Variants in MACROD2 observed in about 807,000 individuals in gnomAD.
MACROD2 encodes the protein mono-ADP ribosylhydrolase 2, also known as ADP-ribose glycohydrolase MACROD2.
A neutral mutation model predicts 70.4 loss-of-function variants in MACROD2; 36 were observed. That is an observed-to-expected ratio of 0.51 (90% CI 0.39 to 0.68). MACROD2 has a LOEUF of 0.68. Ranked by LOEUF, MACROD2 falls within the 30% of genes least tolerant of loss-of-function variation. The pLI, the probability that MACROD2 is intolerant of heterozygous loss-of-function variation, is 0.00. For missense variants in MACROD2, 496 were observed against 538.4 expected (o/e 0.92, Z 0.78); for synonymous variants, 172 against 178.8 (o/e 0.96, Z 0.30).
At chr20:14,144,080 G>C (rs2054912501) in intron 3 of MACROD2, among the ~76,000 whole-genome samples, 1 of 151,976 alleles carries the variant, frequency 6.6e-6, no homozygotes, top group Non-Finnish European at 1.5e-5. Flanking sequence ...TGCCTAGATA[G>C]ATGTGAATGA....
At chr20:14,835,103 A>G (rs1039033912) in intron 5 of MACROD2, among the ~76,000 whole-genome samples, 3 of 152,098 alleles carry the variant, frequency 2.0e-5, no homozygotes, top group African/African-American at 7.2e-5. Context: ...TGATGTGTGC[A>G]TGTAAAGTCC....
chr20:15,419,281 A>C (rs6043266), intron 6 of MACROD2, among the ~76,000 whole-genome samples: 1 of 152,040 alleles, frequency 6.6e-6, no homozygotes, highest in African/African-American at 2.4e-5. Context: ...CCCATCAGTC[A>C]TTGGTAAAGG....
At chr20:15,829,471 T>G (rs909274980) in intron 8 of MACROD2, among the ~76,000 whole-genome samples, 2 of 152,116 alleles carry the variant, frequency 1.3e-5, no homozygotes, top group African/African-American at 4.8e-5. Context: ...GTAGATACTA[T>G]AAACTACGTG....
intron 8 of MACROD2, among the ~76,000 whole-genome samples, chr20:15,520,266 A>G (rs2047634682): frequency 6.6e-6 from 1 of 152,254 alleles, no homozygotes; most frequent in Admixed American, 6.5e-5. Flanking sequence ...AAAGTTCCAC[A>G]TGGATGTCAG....
intron 8 of MACROD2, among the ~76,000 whole-genome samples, chr20:15,640,380 C>T (rs765407987): frequency 6.6e-6 from 1 of 152,188 alleles, no homozygotes; most frequent in African/African-American, 2.4e-5. Context: ...CAGGTACAGA[C>T]GCAGAGTGAC....
chr20:15,502,672 G>C (rs935029519), intron 8 of MACROD2, among the ~76,000 whole-genome samples: 2 of 152,204 alleles, frequency 1.3e-5, no homozygotes, highest in South Asian at 2.1e-4. Context: ...AGTGATGGTA[G>C]AAAAGGAGGT....
intron 5 of MACROD2, among the ~76,000 whole-genome samples, chr20:15,134,294 C>A (rs936473792): frequency 2.0e-5 from 3 of 150,230 alleles, no homozygotes; most frequent in South Asian, 2.1e-4. Context: ...GAGGCCGAGG[C>A]GGGCGGATCA....
intron 6 of MACROD2, among the ~76,000 whole-genome samples, chr20:15,333,252 TA>T (rs2078012362): frequency 6.6e-6 from 1 of 151,546 alleles, no homozygotes; most frequent in Non-Finnish European, 1.5e-5. Context: ...TTTGTTTTGG[TA>T]AACTCTCCAG....
intron 5 of MACROD2, among the ~76,000 whole-genome samples, chr20:14,689,947 T>C (rs1381604354): frequency 1.3e-5 from 2 of 152,202 alleles, no homozygotes; most frequent in Non-Finnish European, 2.9e-5. Flanking sequence ...GGAAAAATTA[T>C]GCTAATATTC....
intron 8 of MACROD2, among the ~76,000 whole-genome samples, chr20:15,716,791 A>G (rs761621614): frequency 3.3e-5 from 5 of 152,210 alleles, no homozygotes; most frequent in Non-Finnish European, 5.9e-5. Flanking sequence ...ACAGGCCCTA[A>G]GTGAAAAGGA....
At chr20:14,076,467 A>G (rs550806523) in intron 2 of MACROD2, among the ~76,000 whole-genome samples, 1 of 151,920 alleles carries the variant, frequency 6.6e-6, no homozygotes, top group Admixed American at 6.6e-5. Context: ...TCTGGGCAAC[A>G]TGGTGAAACC....
chr20:15,123,768 T>A (rs1375680729), intron 5 of MACROD2, among the ~76,000 whole-genome samples: 1 of 152,194 alleles, frequency 6.6e-6, no homozygotes, highest in African/African-American at 2.4e-5. Context: ...GCTTGCAACA[T>A]AAAGATTTCT....
At chr20:15,837,915 A>G (rs2064131695) in intron 8 of MACROD2, among the ~76,000 whole-genome samples, 2 of 152,130 alleles carry the variant, frequency 1.3e-5, no homozygotes, top group Admixed American at 6.6e-5. Context: ...CCCATCATCA[A>G]TTGAAAATAA....
rs962791466 is a variant in MACROD2, at chr20:15,253,504, T to C, written c.540+23443T>C. On this transcript the variant is annotated intron_variant, in intron 6 of 17. Transcript: ENST00000684519. ...GCAAAGCTAACTTATGATTAAATTATGGTAAGCTTAACTGTAATACAAGGA... is the reference window on the plus strand; with the variant it reads ...GCAAAGCTAACTTATGATTAAATTACGGTAAGCTTAACTGTAATACAAGGA... Among the ~76,000 whole-genome samples the C allele has an allele frequency of 3.3e-5, 5 of 152,314 alleles. No individual in the cohort carries two copies. The East Asian group carries it at 9.7e-4, about 29-fold the overall frequency.
Position 14,303,464 on chromosome 20 carries a change from C to T in MACROD2, c.272-190015C>T, listed in dbSNP as rs774415742. On this transcript the variant is annotated intron_variant, in intron 3 of 17. Transcript: ENST00000684519. ...ATAAATGTCGAGAAGAGCAGTTATT[C>T]TCAGGGTATATGACCTCACAGCCAC... is the stretch of plus-strand genomic sequence containing the variant. Among the ~76,000 whole-genome samples the T allele has an allele frequency of 6.6e-5, 10 of 152,266 alleles. No homozygotes were observed. The South Asian group carries it at 1.5e-3, about 22-fold the overall frequency.
chr20:14,606,368 A>G (rs895758610), intron 4 of MACROD2, among the ~76,000 whole-genome samples: 3 of 152,252 alleles, frequency 2.0e-5, no homozygotes, highest in Non-Finnish European at 4.4e-5. Context: ...ATTTTTGGGA[A>G]TATTGTCTAA....
At chr20:15,898,981 T>C (rs1304837850) in intron 10 of MACROD2, among the ~76,000 whole-genome samples, 1 of 151,816 alleles carries the variant, frequency 6.6e-6, no homozygotes, top group Non-Finnish European at 1.5e-5. Flanking sequence ...TATGTGTGTG[T>C]GCATATATAT....
rs199969592 is a variant in MACROD2, at chr20:14,923,707, AAGAT to A, written c.418+238751_418+238754del. ...AGTGGTCTACCTTGTTGAAATATCT[AAGAT>A]AGGTGACGGCACGGGCCTCCAGGGC... On this transcript the variant is annotated intron_variant, in intron 5 of 17. Transcript: ENST00000684519. Among the ~76,000 whole-genome samples the A allele has an allele frequency of 8.3e-3, 1,251 of 150,806 alleles. 10 individuals carry two copies. Among genetic ancestry groups the A allele is most frequent in the Non-Finnish European group, 0.013 (889 of 67,732 alleles).
At chr20:14,010,739 T>C (rs923405910) in intron 2 of MACROD2, among the ~76,000 whole-genome samples, 1 of 152,050 alleles carries the variant, frequency 6.6e-6, no homozygotes, top group African/African-American at 2.4e-5. Context: ...TCTGGTGACC[T>C]GGTGTTTGTT....
Sources: allele counts gnomAD v4.1 joint callset (sites outside exome capture counted in the v4.1 genomes callset), GRCh38; gene constraint gnomAD v4.1.1; transcripts MANE v1.5; gene names NCBI Gene and HGNC (gene_info 2026-07-23, HGNC 2026-07-21).